BRINP1: variants seen among roughly 807,000 people sequenced by gnomAD.
BRINP1 encodes the protein BMP/retinoic acid inducible neural specific 1, also known as BMP/retinoic acid-inducible neural-specific protein 1.
In BRINP1, 17 loss-of-function variants were observed where a neutral mutation model predicts 72.9. That is an observed-to-expected ratio of 0.23 (90% CI 0.16 to 0.35). BRINP1 has a LOEUF of 0.35. BRINP1 is among the 10% of genes least tolerant of loss of function. BRINP1 has a pLI of 1.00. For synonymous variants in BRINP1, 418 were observed against 378.5 expected (o/e 1.10, Z -1.21); for missense variants, 850 against 1,001.6 (o/e 0.85, Z 2.04).
At chr9:119,214,296 C>T in intron 5 of BRINP1, 141 bp from the exon 6 acceptor site, 1 of 652,332 alleles carries the variant, frequency 1.5e-6, no homozygotes, top group South Asian at 1.9e-5. Context: ...CTGGGCCAAC[C>T]TAGATCCAGA....
At chr9:119,239,691 C>A (rs1007517040) in intron 4 of BRINP1, among the ~76,000 whole-genome samples, 2 of 152,132 alleles carry the variant, frequency 1.3e-5, no homozygotes, top group Admixed American at 1.3e-4. Flanking sequence ...GCCTCAACTT[C>A]CCCATCTATA....
chr9:119,227,519 C>T (rs762608835), intron 5 of BRINP1, among the ~76,000 whole-genome samples: 5 of 152,026 alleles, frequency 3.3e-5, no homozygotes, highest in South Asian at 2.1e-4. Context: ...CATGAAGACA[C>T]GAAAGGCACT....
chr9:119,339,065 C>T (rs1035850876), intron 1 of BRINP1, among the ~76,000 whole-genome samples: 2 of 152,154 alleles, frequency 1.3e-5, no homozygotes, highest in African/African-American at 4.8e-5. Flanking sequence ...TCTCTTTTCA[C>T]CTGGACTGCT....
intron 2 of BRINP1, among the ~76,000 whole-genome samples, chr9:119,272,910 C>G (rs917107267): frequency 6.6e-6 from 1 of 152,110 alleles, no homozygotes; most frequent in African/African-American, 2.4e-5. Flanking sequence ...CTTAGAGGTC[C>G]TTGTTCTTAG....
At position 119,167,705 on chromosome 9, in the gene BRINP1, G is replaced by A; in HGVS notation, c.1665C>T (p.Ser555=). 1.2e-6 allele frequency: 2 copies of A among 1,614,120 alleles called. No individual in the cohort carries two copies. The highest frequency in any genetic ancestry group is 1.7e-6 in the Non-Finnish European group (2 of 1,180,018). The change falls in exon 8 of 8, where the codon AGC becomes AGT. Residue 555 remains serine, a synonymous_variant. Coordinates refer to ENST00000265922, the MANE Select transcript of BRINP1 (RefSeq NM_014618.3). The surrounding 1 kb of genome is among the most constrained non-coding windows in gnomAD (Gnocchi z 4.3). ...SMRICQMRNS[S]LDPMFFVYVN... is the part of the protein sequence containing the mutation. ...CATAGACAAAGAACATGGGGTCCAG[G>A]CTGCTGTTGCGCATCTGGCAGATGC...
Position 119,321,236 on chromosome 9 carries a change from T to C in BRINP1, c.-50-7831A>G, listed in dbSNP as rs562452451. ...GTGAGCCACCGCACCCGGCCATTGG[T>C]CCCCATTTTATACATGGTGAGGAGG... On this transcript the variant is annotated intron_variant, in intron 1 of 7. Coordinates refer to ENST00000265922, the MANE Select transcript of BRINP1 (RefSeq NM_014618.3). Among the ~76,000 whole-genome samples the C allele has an allele frequency of 2.0e-5, 3 of 151,944 alleles. No homozygotes were observed. In the East Asian group the frequency reaches 5.9e-4, roughly 30 times the overall value.
chr9:119,263,266 A>G (rs747252212), intron 2 of BRINP1, among the ~76,000 whole-genome samples: 4 of 152,160 alleles, frequency 2.6e-5, no homozygotes, highest in Non-Finnish European at 5.9e-5. Context: ...TGCCTTTTTA[A>G]CAAGCTCCCA....
chr9:119,282,034 T>C (rs1381575091), intron 2 of BRINP1, among the ~76,000 whole-genome samples: 3 of 152,256 alleles, frequency 2.0e-5, no homozygotes, highest in Admixed American at 1.3e-4. Context: ...AGTGGAATTA[T>C]GGAGTCATAG....
Position 119,182,500 on chromosome 9 carries a change from G to T in BRINP1, c.1146-14276C>A, listed in dbSNP as rs114594038. Among the ~76,000 whole-genome samples, 1,261 of 152,282 alleles carry T rather than the reference G, an allele frequency of 8.3e-3. 18 individuals are homozygous for T. The highest frequency in any genetic ancestry group is 0.028 in the African/African-American group (1,173 of 41,550). On this transcript the variant is annotated intron_variant, in intron 7 of 7. Transcript: ENST00000265922. ...GTATGTTGAAATTTCAATTTCCAAG[G>T]TAAAGATATTAGAAGATGGTGCCTT...
intron 7 of BRINP1, among the ~76,000 whole-genome samples, chr9:119,180,859 G>C (rs1829548799): frequency 6.6e-6 from 1 of 152,146 alleles, no homozygotes; most frequent in African/African-American, 2.4e-5. Context: ...ATTTTCAATT[G>C]TGGAGTGAAG....
intron 2 of BRINP1, among the ~76,000 whole-genome samples, chr9:119,259,139 C>G (rs1830474178): frequency 6.6e-6 from 1 of 152,166 alleles, no homozygotes; most frequent in Non-Finnish European, 1.5e-5. Flanking sequence ...AAAACAGGTC[C>G]TTTCACAAAG....
intron 5 of BRINP1, among the ~76,000 whole-genome samples, chr9:119,228,687 C>T (rs975265652): frequency 3.9e-5 from 6 of 151,952 alleles, no homozygotes; most frequent in African/African-American, 9.7e-5. Flanking sequence ...TGAGCAAAGA[C>T]GAATGGGAAA....
intron 1 of BRINP1, among the ~76,000 whole-genome samples, chr9:119,322,582 C>T (rs1831199475): frequency 1.3e-5 from 2 of 152,218 alleles, no homozygotes. Flanking sequence ...GACCCATATT[C>T]TGGGCCAGAG....
intron 2 of BRINP1, among the ~76,000 whole-genome samples, chr9:119,261,897 T>A (rs1420951575): frequency 6.6e-6 from 1 of 151,516 alleles, no homozygotes; most frequent in Non-Finnish European, 1.5e-5. Context: ...TCTTCCTCTC[T>A]CTCTCTCTCT....
At chr9:119,272,664 A>G (rs1414011429) in intron 2 of BRINP1, among the ~76,000 whole-genome samples, 3 of 152,128 alleles carry the variant, frequency 2.0e-5, no homozygotes, top group Admixed American at 2.0e-4. Flanking sequence ...TGAGCTTGCT[A>G]CTTCCAGGCA....
In BRINP1 at chr9:119,208,888, C is replaced by T. The variant is rs374373152; in HGVS notation, c.976G>A (p.Gly326Arg). ...RLPSNHFLTI[G>R]SIHQHWGNDW... ...TTGCCCCAGTGCTGATGGATGCTTC[C>T]GATGGTCAGGAAGTGGTTGCTGGGG... Residue 326 changes from glycine to arginine, a missense_variant, in exon 7 of 8, where the codon GGA becomes AGA. Coordinates refer to ENST00000265922, the MANE Select transcript of BRINP1 (RefSeq NM_014618.3). 2.7e-5 allele frequency: 43 copies of T among 1,613,970 alleles called. No individual in the cohort carries two copies. Among genetic ancestry groups the T allele is most frequent in the Non-Finnish European group, 3.3e-5 (39 of 1,180,036 alleles).
In BRINP1 at chr9:119,369,161, G is replaced by A. The variant is rs1831727980; in HGVS notation, c.-156C>T. On this transcript the variant is annotated 5_prime_UTR_variant, in exon 1 of 8. Transcript: ENST00000265922. ...GCGTGCAGCTCGCATTCCGGGCACG[G>A]CGCGGGGACTGCAGGCGTGGGGGTA... The A allele has an allele frequency of 2.5e-6, 1 of 398,696 alleles. No homozygotes were observed. Among genetic ancestry groups the A allele is most frequent in the Non-Finnish European group, 4.4e-6 (1 of 226,208 alleles). The allele number at this position is 398,696 out of a possible 1,614,324, so 24.7% of individuals were successfully genotyped here. A position where few individuals can be genotyped will look rare whatever the true frequency, so the allele number is the denominator to read the frequency against.
intron 7 of BRINP1, among the ~76,000 whole-genome samples, chr9:119,172,549 G>T (rs1359241118): frequency 6.6e-6 from 1 of 151,220 alleles, no homozygotes; most frequent in African/African-American, 2.4e-5. Flanking sequence ...TTCTACCAGA[G>T]GTACAAGGAG....
intron 1 of BRINP1, among the ~76,000 whole-genome samples, chr9:119,354,846 G>A (rs1159074981): frequency 1.3e-5 from 2 of 152,150 alleles, no homozygotes; most frequent in Admixed American, 6.5e-5. Flanking sequence ...TCCAGCATGG[G>A]CAACAGAGTG....
Sources: gnomAD v4.1 joint callset for allele counts (sites outside exome capture counted in the v4.1 genomes callset) on GRCh38, gnomAD v4.1.1 for gene constraint, Gnocchi (gnomAD v3.1) non-coding constraint, MANE v1.5 for transcripts, NCBI Gene and HGNC (gene_info 2026-07-23, HGNC 2026-07-21) for gene names.